PTPRR: variants seen among roughly 807,000 people sequenced by gnomAD.
PTPRR encodes protein tyrosine phosphatase receptor type R, also known as receptor-type tyrosine-protein phosphatase R.
Under a neutral mutation model 77.2 loss-of-function variants are expected in PTPRR, and 38 were observed. That is an observed-to-expected ratio of 0.49 (90% CI 0.38 to 0.65). PTPRR has a LOEUF of 0.65. Ranked by LOEUF, PTPRR falls within the 30% of genes least tolerant of loss-of-function variation. PTPRR has a pLI of 0.00. For missense variants in PTPRR, 744 were observed against 799.2 expected, an observed-to-expected ratio of 0.93 and a Z score of 0.83; for synonymous variants, 299 against 283.1, an observed-to-expected ratio of 1.06 and a Z score of -0.57.
chr12:70,671,579 TAA>T (rs532691338), intron 10 of PTPRR, among the ~76,000 whole-genome samples: 2 of 152,062 alleles, frequency 1.3e-5, no homozygotes, highest in Non-Finnish European at 1.5e-5. Context: ...TAGGAATTGT[TAA>T]AAAAAATTCT....
chr12:70,810,528 A>G (rs1379952225), intron 2 of PTPRR, among the ~76,000 whole-genome samples: 1 of 152,172 alleles, frequency 6.6e-6, no homozygotes, highest in African/African-American at 2.4e-5. Flanking sequence ...TTATTTGATT[A>G]TCAGTTTTAA....
At chr12:70,832,921 C>T (rs1342639749) in intron 2 of PTPRR, among the ~76,000 whole-genome samples, 2 of 152,014 alleles carry the variant, frequency 1.3e-5, no homozygotes, top group East Asian at 1.9e-4. Context: ...GGAGGAGATG[C>T]CAGGCTCCTT....
intron 2 of PTPRR, among the ~76,000 whole-genome samples, chr12:70,831,290 G>A (rs1010309724): frequency 6.6e-6 from 1 of 152,174 alleles, no homozygotes; most frequent in East Asian, 1.9e-4. Flanking sequence ...GTAGGAGTTA[G>A]GTTAAAATCA....
intron 2 of PTPRR, among the ~76,000 whole-genome samples, chr12:70,786,810 T>C (rs1809288445): frequency 6.6e-6 from 1 of 152,234 alleles, no homozygotes; most frequent in Non-Finnish European, 1.5e-5. Context: ...TATTGGCATG[T>C]GGTTTTAACA....
chr12:70,920,213 G>T, intron 1 of PTPRR, 120 bp downstream of exon 1: 4 of 1,081,360 alleles, frequency 3.7e-6, no homozygotes, highest in East Asian at 5.2e-5. Flanking sequence ...GTCAGGTACT[G>T]TCCTGTTTTA....
At chr12:70,670,258 T>A (rs929006052) in intron 10 of PTPRR, among the ~76,000 whole-genome samples, 1 of 152,224 alleles carries the variant, frequency 6.6e-6, no homozygotes, top group East Asian at 1.9e-4. Context: ...AGGTTCAGGG[T>A]CTTATTGCTC....
intron 2 of PTPRR, among the ~76,000 whole-genome samples, chr12:70,785,053 A>G (rs1891293648): frequency 6.6e-6 from 1 of 152,212 alleles, no homozygotes; most frequent in Non-Finnish European, 1.5e-5. Flanking sequence ...TCAAAACGGC[A>G]CATTTTAAGA....
intron 13 of PTPRR, among the ~76,000 whole-genome samples, chr12:70,649,363 T>C (rs887027398): frequency 1.3e-5 from 2 of 152,036 alleles, no homozygotes; most frequent in African/African-American, 2.4e-5. Context: ...CAGCTACAAG[T>C]GGAGAGGGGT....
At chr12:70,764,913 C>T in intron 2 of PTPRR, 135 bp from the exon 3 acceptor site, 1 of 639,918 alleles carries the variant, frequency 1.6e-6, no homozygotes. Flanking sequence ...TTCTGTGACT[C>T]TGCTAAGTTT....
At chr12:70,899,521 T>C (rs1893494056) in intron 1 of PTPRR, among the ~76,000 whole-genome samples, 1 of 151,454 alleles carries the variant, frequency 6.6e-6, no homozygotes, top group Non-Finnish European at 1.5e-5. Flanking sequence ...TTCATGTCTA[T>C]TCATAGTAAG....
intron 10 of PTPRR, among the ~76,000 whole-genome samples, chr12:70,667,512 G>A (rs987194805): frequency 6.6e-6 from 1 of 152,126 alleles, no homozygotes; most frequent in Non-Finnish European, 1.5e-5. Context: ...GCCTGTCACT[G>A]CTGGACAGTG....
At chr12:70,662,645 T>C in intron 10 of PTPRR, 40 bp from the exon 11 acceptor site, 1 of 1,230,604 alleles carries the variant, frequency 8.1e-7, no homozygotes. Context: ...TATTAATGGC[T>C]TTTATTAGCC....
intron 10 of PTPRR, among the ~76,000 whole-genome samples, chr12:70,679,274 T>C (rs1032695499): frequency 2.0e-5 from 3 of 152,222 alleles, no homozygotes; most frequent in African/African-American, 7.2e-5. Flanking sequence ...TTTTATAACA[T>C]TGTGGTCAGA....
intron 6 of PTPRR, among the ~76,000 whole-genome samples, chr12:70,718,720 T>G (rs1889129605): frequency 6.6e-6 from 1 of 152,242 alleles, no homozygotes; most frequent in Non-Finnish European, 1.5e-5. Context: ...TTCAACAATT[T>G]AAATATTTTG....
intron 2 of PTPRR, among the ~76,000 whole-genome samples, chr12:70,890,989 A>G (rs776016642): frequency 2.6e-5 from 4 of 152,146 alleles, no homozygotes; most frequent in Non-Finnish European, 5.9e-5. Context: ...CTGCTAAATC[A>G]TCATGCACAT....
chr12:70,824,093 G>T (rs12426934), intron 2 of PTPRR, among the ~76,000 whole-genome samples: 12,927 of 152,222 alleles, frequency 0.085, 615 homozygotes, highest in African/African-American at 0.12. Flanking sequence ...AGGTCCCAAC[G>T]TTAGACAGAC....
intron 1 of PTPRR, among the ~76,000 whole-genome samples, chr12:70,917,241 T>C (rs1893788199): frequency 6.6e-6 from 1 of 152,162 alleles, no homozygotes; most frequent in African/African-American, 2.4e-5. Context: ...ATTAAACTGG[T>C]TCACGAAAGA....
intron 2 of PTPRR, among the ~76,000 whole-genome samples, chr12:70,817,537 A>G (rs1210773956): frequency 6.6e-6 from 1 of 152,244 alleles, no homozygotes; most frequent in Admixed American, 6.5e-5. Context: ...AAAATTCACA[A>G]CTTAAACCAT....
intron 2 of PTPRR, among the ~76,000 whole-genome samples, chr12:70,851,885 A>G (rs1892577136): frequency 6.6e-6 from 1 of 152,240 alleles, no homozygotes; most frequent in Non-Finnish European, 1.5e-5. Context: ...AAATGTTTTC[A>G]TACATTAACA....
Sources: gnomAD v4.1 joint callset for allele counts (sites outside exome capture counted in the v4.1 genomes callset) on GRCh38, gnomAD v4.1.1 for gene constraint, MANE v1.5 for transcripts, NCBI Gene and HGNC (gene_info 2026-07-23, HGNC 2026-07-21) for gene names.